HIPK3: variants seen among roughly 807,000 people sequenced by gnomAD.
HIPK3 encodes the protein homeodomain-interacting protein kinase 3.
A neutral mutation model predicts 124.2 loss-of-function variants in HIPK3; 47 were observed. That is an observed-to-expected ratio of 0.38 (90% CI 0.30 to 0.48). HIPK3 has a LOEUF of 0.48. HIPK3 is among the 20% of genes least tolerant of loss of function. HIPK3 has a pLI of 0.98. For synonymous variants in HIPK3, 482 were observed against 515.2 expected (o/e 0.94, Z 0.87); for missense variants, 1,286 against 1,454.3 (o/e 0.88, Z 1.88).
At chr11:33,336,097 G>T (rs1218481889) in intron 3 of HIPK3, among the ~76,000 whole-genome samples, 2 of 152,140 alleles carry the variant, frequency 1.3e-5, no homozygotes, top group East Asian at 3.8e-4. Context: ...GAAAAATATA[G>T]CCAGGAGGAT....
chr11:33,264,454 C>G (rs1034333698), intron 1 of HIPK3, among the ~76,000 whole-genome samples: 1 of 148,858 alleles, frequency 6.7e-6, no homozygotes, highest in East Asian at 1.9e-4. Flanking sequence ...GAAACTTTTC[C>G]ATTTCTAATC....
At chr11:33,345,868 G>T (rs976268773) in intron 8 of HIPK3, among the ~76,000 whole-genome samples, 2 of 152,028 alleles carry the variant, frequency 1.3e-5, no homozygotes, top group Non-Finnish European at 2.9e-5. Context: ...ATTCTCTTTA[G>T]GATTAACACT....
At chr11:33,332,710 A>G (rs747244164) in intron 3 of HIPK3, among the ~76,000 whole-genome samples, 6 of 152,332 alleles carry the variant, frequency 3.9e-5, no homozygotes, top group East Asian at 3.9e-4. Flanking sequence ...TTGTCAGGCT[A>G]TTTAGCAAAG....
chr11:33,289,257 G>C (rs1001642097), intron 2 of HIPK3, among the ~76,000 whole-genome samples: 1 of 152,020 alleles, frequency 6.6e-6, no homozygotes, highest in Non-Finnish European at 1.5e-5. Flanking sequence ...CTGGGCAACA[G>C]AGCGAGACCC....
chr11:33,258,201 C>CG, intron 1 of HIPK3: 1 of 474,450 alleles, frequency 2.1e-6, no homozygotes, highest in Non-Finnish European at 2.7e-6. Flanking sequence ...GCCCGGGGGC[C>CG]TCGGCCCCCC....
chr11:33,258,412 C>T (rs1430427520), intron 1 of HIPK3: 1 of 985,648 alleles, frequency 1.0e-6, no homozygotes, highest in Non-Finnish European at 1.2e-6. Flanking sequence ...TTTGTGGCCC[C>T]GTCCCCAGCG....
rs905850867 is a variant in HIPK3, at chr11:33,260,403, A to G, written c.-3+2514A>G. Among the ~76,000 whole-genome samples the G allele has an allele frequency of 3.3e-5, 5 of 152,364 alleles. No homozygotes were observed. In the East Asian group the frequency reaches 9.6e-4, roughly 29 times the overall value. ...GCATATGGAAAGGAGGAAAGGGAAAATGTAAATTTCAGAATGCCGCAATAT... is the reference window on the plus strand; with the variant it reads ...GCATATGGAAAGGAGGAAAGGGAAAGTGTAAATTTCAGAATGCCGCAATAT... On this transcript the variant is annotated intron_variant, in intron 1 of 16. Coordinates refer to ENST00000303296, the MANE Select transcript of HIPK3 (RefSeq NM_005734.5).
chr11:33,335,504 A>G (rs891415516), intron 3 of HIPK3, among the ~76,000 whole-genome samples: 1 of 152,204 alleles, frequency 6.6e-6, no homozygotes, highest in African/African-American at 2.4e-5. Context: ...ACAGGCCATT[A>G]CTTATCTTAA....
At chr11:33,258,743 A>ATT (rs1434379547) in intron 1 of HIPK3, 4 of 984,664 alleles carry the variant, frequency 4.1e-6, no homozygotes, top group Middle Eastern at 1.0e-3. Flanking sequence ...TGCTTGAGGA[A>ATT]TTGCGCTGAA....
intron 16 of HIPK3, 92 bp from the exon 17 acceptor site, chr11:33,353,000 C>A: frequency 1.3e-6 from 1 of 749,230 alleles, no homozygotes; most frequent in Non-Finnish European, 2.2e-6. Context: ...AGTTATCAAT[C>A]ACAAAGGGTA....
intron 2 of HIPK3, among the ~76,000 whole-genome samples, chr11:33,322,856 C>T (rs1852705184): frequency 6.6e-6 from 1 of 152,098 alleles, no homozygotes; most frequent in African/African-American, 2.4e-5. Context: ...CGAGTGGCCA[C>T]TGTTTCCTTT....
At chr11:33,310,269 T>C (rs1565078027) in intron 2 of HIPK3, among the ~76,000 whole-genome samples, 1 of 66,220 alleles carries the variant, frequency 1.5e-5, no homozygotes, top group African/African-American at 4.4e-5. Context: ...TCTGTCTGTC[T>C]GTCTGTCTAT....
At chr11:33,273,512 CA>C (rs398015727) in intron 1 of HIPK3, among the ~76,000 whole-genome samples, 2,474 of 47,466 alleles carry the variant, frequency 0.052, 8 homozygotes, top group Admixed American at 0.11. Context: ...TCTGTCTCCA[CA>C]AAAAAAAAAA....
intron 1 of HIPK3, among the ~76,000 whole-genome samples, chr11:33,261,936 T>C (rs1850838053): frequency 6.6e-6 from 1 of 152,222 alleles, no homozygotes; most frequent in Admixed American, 6.5e-5. Flanking sequence ...TGGTATCTCA[T>C]GGTTTTGATT....
Position 33,294,557 on chromosome 11 carries a change from C to CAT in HIPK3, c.1097+7047_1097+7048insTA, listed in dbSNP as rs1367680256. Among the ~76,000 whole-genome samples the CAT allele has an allele frequency of 3.9e-5, 6 of 152,264 alleles. No homozygotes were observed. In the East Asian group the frequency reaches 1.2e-3, roughly 29 times the overall value. The stretch of plus-strand genomic sequence containing the variant: ...TCAGTACAATTATCAAAATCGTCAT[C>CAT]AGTTAACATCAGTTCAATATTATTG... On this transcript the variant is annotated intron_variant, in intron 2 of 16. Transcript: ENST00000303296.
chr11:33,349,838 C>G (rs1853605239), intron 14 of HIPK3, among the ~76,000 whole-genome samples: 1 of 152,094 alleles, frequency 6.6e-6, no homozygotes, highest in Admixed American at 6.5e-5. Context: ...GTGATCTTGG[C>G]TCACCGCAGC....
intron 1 of HIPK3, among the ~76,000 whole-genome samples, chr11:33,277,924 C>T (rs1245680048): frequency 6.6e-6 from 1 of 152,170 alleles, no homozygotes; most frequent in African/African-American, 2.4e-5. Context: ...GTCCATTTGT[C>T]TACTCAGTTT....
chr11:33,271,582 TA>T (rs1286656575), intron 1 of HIPK3, among the ~76,000 whole-genome samples: 1 of 152,102 alleles, frequency 6.6e-6, no homozygotes, highest in Non-Finnish European at 1.5e-5. Context: ...AATAAATAAA[TA>T]AAGTCAATTT....
intron 1 of HIPK3, among the ~76,000 whole-genome samples, chr11:33,281,827 A>G (rs78691913): frequency 0.014 from 2,142 of 152,294 alleles, 30 homozygotes; most frequent in South Asian, 0.023. Flanking sequence ...CCATGTGTCA[A>G]GGTCTGTTTA....
Sources: gnomAD v4.1 joint callset for allele counts (sites outside exome capture counted in the v4.1 genomes callset) on GRCh38, gnomAD v4.1.1 for gene constraint, MANE v1.5 for transcripts, NCBI Gene and HGNC (gene_info 2026-07-23, HGNC 2026-07-21) for gene names.